Variants in TDRD15 observed in about 807,000 individuals in gnomAD.
TDRD15 encodes tudor domain-containing protein 15.
For synonymous variants in TDRD15, 503 were observed against 314.5 expected, an observed-to-expected ratio of 1.60 and a Z score of -6.34; for missense variants, 1,416 against 904.7, an observed-to-expected ratio of 1.57 and a Z score of -7.25.
rs1665625983 is a variant in TDRD15, at chr2:21,127,670, G to A, written c.-131G>A. The A allele has an allele frequency of 1.3e-5, 2 of 152,206 alleles. No individual in the cohort carries two copies. Among genetic ancestry groups the A allele is most frequent in the Non-Finnish European group, 2.9e-5 (2 of 68,028 alleles). 9.4% of individuals were successfully genotyped at this position (152,206 alleles called of 1,614,324 possible). ...ACACCAGTACTACACCAGTACCACA[G>A]TGTCTTGAGTGCTGTAACTTTATAA... On this transcript the variant is annotated 5_prime_UTR_variant, in exon 2 of 4. In the 5' UTR this introduces an upstream ATG that the reference lacks. Transcript: ENST00000405799.
Position 21,141,271 on chromosome 2 carries a change from T to G in TDRD15, c.3804T>G (p.Asn1268Lys). ...CACAGTCTTTTATCAGAGCATTAAA[T>G]CAAACAACCTCACAAAACCCATATG... is the stretch of plus-strand genomic sequence containing the variant. ...VVSQSFIRALNQTTSQNPYDL... is the reference protein window; with the variant it reads ...VVSQSFIRALKQTTSQNPYDL... Residue 1268 changes from asparagine (N) to lysine (K), a missense_variant, in exon 4 of 4, where the codon AAT becomes AAG. Coordinates refer to ENST00000405799, the MANE Select transcript of TDRD15 (RefSeq NM_001306137.2). The G allele has an allele frequency of 1.4e-6, 1 of 711,860 alleles. No homozygotes were observed. Among genetic ancestry groups the G allele is most frequent in the Non-Finnish European group, 2.6e-6 (1 of 382,926 alleles). The allele number at this position is 711,860 out of a possible 1,614,324, so 44.1% of individuals were successfully genotyped here.
chr2:21,145,644 G>A (rs1666017926), downstream of TDRD15, among the ~76,000 whole-genome samples: 1 of 151,856 alleles, frequency 6.6e-6, no homozygotes, highest in Non-Finnish European at 1.5e-5. Flanking sequence ...AAGAAATATG[G>A]TTTCACGGAT....
At position 21,137,693 on chromosome 2, in the gene TDRD15, T is replaced by C; in HGVS notation, c.226T>C (p.Trp76Arg). The C allele has an allele frequency of 1.4e-6, 1 of 714,758 alleles. No homozygotes were observed. The highest frequency in any genetic ancestry group is 2.6e-6 in the Non-Finnish European group (1 of 383,738). 44.3% of individuals were successfully genotyped at this position (714,758 alleles called of 1,614,324 possible). Residue 76 changes from tryptophan to arginine, a missense_variant, in exon 4 of 4, where the codon TGG becomes CGG. Transcript: ENST00000405799. ...CLVEERVSGE[W>R]QRGRVMEKKN... ...GGTGGAAGAAAGAGTATCTGGAGAA[T>C]GGCAGAGAGGAAGAGTCATGGAAAA...
intron 2 of TDRD15, among the ~76,000 whole-genome samples, chr2:21,132,991 A>G (rs1365531687): frequency 1.3e-5 from 2 of 152,150 alleles, no homozygotes; most frequent in Admixed American, 1.3e-4. Flanking sequence ...TTCCTACCTC[A>G]GTTAAGACAA....
In TDRD15 at chr2:21,142,767, C is replaced by G; in HGVS notation, c.5300C>G (p.Ser1767Cys). 1 of 714,390 alleles carries G rather than the reference C, an allele frequency of 1.4e-6. No individual in the cohort carries two copies. Among genetic ancestry groups the G allele is most frequent in the Non-Finnish European group, 2.6e-6 (1 of 383,420 alleles). The allele number at this position is 714,390 out of a possible 1,614,324, so 44.3% of individuals were successfully genotyped here. ...ATGAAATACCTTTTTATGTTGCTTT[C>G]TGATCTACCAGAGACCTTACAAACA... Reference protein sequence around the residue: ...DIMKYLFMLLSDLPETLQTLP... With the variant: ...DIMKYLFMLLCDLPETLQTLP... The change falls in exon 4 of 4, where the codon TCT becomes TGT. Residue 1767 changes from serine to cysteine, a missense_variant. Ser to Cys is a moderately radical substitution (Grantham distance 112). Transcript: ENST00000405799.
chr2:21,132,777 C>A (rs777679529), intron 2 of TDRD15, among the ~76,000 whole-genome samples: 1 of 152,006 alleles, frequency 6.6e-6, no homozygotes, highest in African/African-American at 2.4e-5. Flanking sequence ...TCTTCTAATT[C>A]TTTTAGATAG....
At chr2:21,135,795 A>G (rs190023786) in intron 3 of TDRD15, among the ~76,000 whole-genome samples, 5 of 152,154 alleles carry the variant, frequency 3.3e-5, no homozygotes, top group Admixed American at 3.3e-4. Flanking sequence ...TGTATAAACC[A>G]GATGTTTACC....
Position 21,142,574 on chromosome 2 carries a change from C to T in TDRD15, c.5107C>T (p.Leu1703Phe). Residue 1703 changes from leucine (L) to phenylalanine (F), a missense_variant, in exon 4 of 4, where the codon CTT (leucine) becomes TTT (phenylalanine). Physicochemically the swap from Leu to Phe is conservative, Grantham distance 22. Transcript: ENST00000405799. Reference sequence around the variant, plus strand: ...TCCTGTTGAAGAAAACAAACTTAGACTTGCAGAAATTGTTTACAACATTGA... The same window carrying T: ...TCCTGTTGAAGAAAACAAACTTAGATTTGCAGAAATTGTTTACAACATTGA... ...TVPVEENKLR[L>F]AEIVYNIESK... 1 of 710,050 alleles carries T rather than the reference C, an allele frequency of 1.4e-6. No homozygotes were observed. Among genetic ancestry groups the T allele is most frequent in the Non-Finnish European group, 2.6e-6 (1 of 382,502 alleles). The allele number at this position is 710,050 out of a possible 1,614,324, so 44.0% of individuals were successfully genotyped here. A position where few individuals can be genotyped will look rare whatever the true frequency, so the allele number is the denominator to read the frequency against.
At chr2:21,137,406 C>T (rs1294490272) in intron 3 of TDRD15, 59 bp from the exon 4 acceptor site, 8 of 561,980 alleles carry the variant, frequency 1.4e-5, no homozygotes, top group Non-Finnish European at 3.2e-6. Context: ...ATATGCCAAA[C>T]ATAAGGCTAA....
In TDRD15 at chr2:21,139,778, T is replaced by C. The variant is rs1205675821; in HGVS notation, c.2311T>C (p.Phe771Leu). ...KCSCYYGPGD[F>L]SCQLQCKSED... ...TTCCTGTTATTATGGCCCAGGTGAC[T>C]TTTCATGCCAGCTCCAATGTAAGTC... Residue 771 changes from phenylalanine to leucine, a missense_variant, in exon 4 of 4, where the codon TTT becomes CTT. Coordinates refer to ENST00000405799, the MANE Select transcript of TDRD15 (RefSeq NM_001306137.2). The C allele has an allele frequency of 4.2e-6, 3 of 715,348 alleles. No homozygotes were observed. The highest frequency in any genetic ancestry group is 7.8e-6 in the Non-Finnish European group (3 of 384,044). The allele number at this position is 715,348 out of a possible 1,614,324, so 44.3% of individuals were successfully genotyped here. A position where few individuals can be genotyped will look rare whatever the true frequency, so the allele number is the denominator to read the frequency against.
At position 21,141,464 on chromosome 2, in the gene TDRD15, A is replaced by G; in HGVS notation, c.3997A>G (p.Arg1333Gly). ...TGCTGATGCTCTAAATGCAACAGCA[A>G]GGAGATTGAGAGAGAGAAAATCAGT... ...RLADALNATA[R>G]RLRERKSVKP... The change falls in exon 4 of 4, where the codon AGG becomes GGG. Residue 1333 changes from arginine to glycine, a missense_variant. By Grantham distance (125) the Arg-to-Gly change is moderately radical (BLOSUM62 -2). Coordinates refer to ENST00000405799, the MANE Select transcript of TDRD15 (RefSeq NM_001306137.2). 1 of 713,682 alleles carries G rather than the reference A, an allele frequency of 1.4e-6. No individual in the cohort carries two copies. Among genetic ancestry groups the G allele is most frequent in the Non-Finnish European group, 2.6e-6 (1 of 383,346 alleles). 44.2% of individuals were successfully genotyped at this position (713,682 alleles called of 1,614,324 possible).
Position 21,139,700 on chromosome 2 carries a change from T to A in TDRD15, c.2233T>A (p.Trp745Arg), listed in dbSNP as rs914200920. The part of the protein sequence containing the change: ...FTLSVGPESS[W>R]PYKEYIFRPG... ...CTTGTCTGTGGGACCTGAGTCATCC[T>A]GGCCTTATAAAGAATATATTTTTAG... The change falls in exon 4 of 4, where the codon TGG becomes AGG. Residue 745 changes from tryptophan to arginine, a missense_variant. Trp to Arg is a moderately radical substitution (Grantham distance 101). Transcript: ENST00000405799. 2.8e-6 allele frequency: 2 copies of A among 715,054 alleles called. No homozygotes were observed. The highest frequency in any genetic ancestry group is 3.5e-5 in the African/African-American group (2 of 57,120). The allele number at this position is 715,054 out of a possible 1,614,324, so 44.3% of individuals were successfully genotyped here. A position where few individuals can be genotyped will look rare whatever the true frequency, so the allele number is the denominator to read the frequency against.
At position 21,138,751 on chromosome 2, in the gene TDRD15, A is replaced by G; in HGVS notation, c.1284A>G (p.Ser428=). 1 of 715,886 alleles carries G rather than the reference A, an allele frequency of 1.4e-6. No homozygotes were observed. Among genetic ancestry groups the G allele is most frequent in the South Asian group, 1.5e-5 (1 of 67,474 alleles). 44.3% of individuals were successfully genotyped at this position (715,886 alleles called of 1,614,324 possible). A position where few individuals can be genotyped will look rare whatever the true frequency, so the allele number is the denominator to read the frequency against. ...GTQVLCPMSD[S]KISNILSETS... is the part of the protein sequence containing the mutation. ...AAGTACTTTGTCCGATGTCTGATTC[A>G]AAAATCTCCAATATCTTGAGTGAGA... The change falls in exon 4 of 4, where the codon TCA becomes TCG. Residue 428 remains serine (S), a synonymous_variant. Coordinates refer to ENST00000405799, the MANE Select transcript of TDRD15 (RefSeq NM_001306137.2).
downstream of TDRD15, among the ~76,000 whole-genome samples, chr2:21,146,158 A>G (rs2103451018): frequency 6.6e-6 from 1 of 152,096 alleles, no homozygotes; most frequent in Admixed American, 6.6e-5. Flanking sequence ...TTCTGTGTAA[A>G]AACTCTTAGA....
In TDRD15 at chr2:21,141,891, T is replaced by G; in HGVS notation, c.4424T>G (p.Leu1475Arg). 1 of 715,324 alleles carries G rather than the reference T, an allele frequency of 1.4e-6. No individual in the cohort carries two copies. Among genetic ancestry groups the G allele is most frequent in the East Asian group, 2.7e-5 (1 of 37,258 alleles). 44.3% of individuals were successfully genotyped at this position (715,324 alleles called of 1,614,324 possible). ...CTGAAATGGAAAGCATGTTCAAAAC[T>G]GCAGAAGTCAGCATTGCAGATGCCT... ...ELLKWKACSK[L>R]QKSALQMPQV... Residue 1475 changes from leucine (L) to arginine (R), a missense_variant, in exon 4 of 4, where the codon CTG becomes CGG. Physicochemically the swap from Leu to Arg is moderately radical, Grantham distance 102 (BLOSUM62 -2). Transcript: ENST00000405799.
rs1380536143 is a variant in TDRD15 at position 21,139,201 on chromosome 2, T to A, written c.1734T>A (p.Asp578Glu). 2.8e-6 allele frequency: 2 copies of A among 715,206 alleles called. No homozygotes were observed. Among genetic ancestry groups the A allele is most frequent in the Non-Finnish European group, 5.2e-6 (2 of 383,936 alleles). 44.3% of individuals were successfully genotyped at this position (715,206 alleles called of 1,614,324 possible). A position where few individuals can be genotyped will look rare whatever the true frequency, so the allele number is the denominator to read the frequency against. ...YGNTDSIPFF[D>E]VKILLPEFCE... ...ATACTGATTCCATACCATTTTTTGA[T>A]GTAAAAATTTTGCTTCCAGAATTTT... The change falls in exon 4 of 4, where the codon GAT becomes GAA. Residue 578 changes from aspartate to glutamate, a missense_variant. Transcript: ENST00000405799.
At chr2:21,147,283 A>G, downstream of TDRD15, among the ~76,000 whole-genome samples, 1 of 151,772 alleles carries the variant, frequency 6.6e-6, no homozygotes, top group Non-Finnish European at 1.5e-5. Context: ...TCTATTCTGA[A>G]GATAGGATTT....
At chr2:21,134,443 T>C (rs779874456) in intron 2 of TDRD15, among the ~76,000 whole-genome samples, 21 of 152,104 alleles carry the variant, frequency 1.4e-4, no homozygotes, top group Admixed American at 4.6e-4. Flanking sequence ...CTGTGTTGGA[T>C]CATGTATGAT....
rs1572301540 is a variant in TDRD15, at chr2:21,140,820, G to T, written c.3353G>T (p.Gly1118Val). Reference sequence around the variant, plus strand: ...ATAATATTGTCCCAGGAGTCAGATGGACAGCTTGGTATAGAATTGTATGAT... The same window carrying T: ...ATAATATTGTCCCAGGAGTCAGATGTACAGCTTGGTATAGAATTGTATGAT... ...KAIILSQESD[G>V]QLGIELYDGS... The change falls in exon 4 of 4, where the codon GGA becomes GTA. Residue 1118 changes from glycine to valine, a missense_variant. Gly to Val is a moderately radical substitution (Grantham distance 109, BLOSUM62 -3). Coordinates refer to ENST00000405799, the MANE Select transcript of TDRD15 (RefSeq NM_001306137.2). 1 of 715,330 alleles carries T rather than the reference G, an allele frequency of 1.4e-6. No homozygotes were observed. The allele number at this position is 715,330 out of a possible 1,614,324, so 44.3% of individuals were successfully genotyped here. A position where few individuals can be genotyped will look rare whatever the true frequency, so the allele number is the denominator to read the frequency against.
Sources: allele counts gnomAD v4.1 joint callset (sites outside exome capture counted in the v4.1 genomes callset), GRCh38; gene constraint gnomAD v4.1.1; transcripts MANE v1.5; gene names NCBI Gene and HGNC (gene_info 2026-07-23, HGNC 2026-07-21).